The following LRRIQ3 variants were observed in gnomAD, a reference collection of about 807,000 sequenced individuals.
LRRIQ3 encodes the protein leucine rich repeats and IQ motif containing 3, also known as leucine-rich repeat and IQ domain-containing protein 3.
In LRRIQ3, 75 loss-of-function variants were observed where a neutral mutation model predicts 59.3. The ratio of observed to expected loss-of-function variants is 1.26; its 90% CI spans 1.05 to 1.53. LRRIQ3 has a LOEUF of 1.53. LRRIQ3 is among the 40% of genes most tolerant of loss of function. The pLI, the probability that LRRIQ3 is intolerant of heterozygous loss-of-function variation, is 0.00. For missense variants in LRRIQ3, 831 were observed against 710.0 expected (o/e 1.17, Z -1.94); for synonymous variants, 250 against 231.3 (o/e 1.08, Z -0.73).
chr1:74,074,679 T>C lies in LRRIQ3; in HGVS notation c.979A>G (p.Arg327Gly), dbSNP rs752964502. The C allele has an allele frequency of 1.4e-5, 19 of 1,389,958 alleles. No individual in the cohort carries two copies. The South Asian group carries it at 3.1e-4, about 23-fold the overall frequency. The allele number at this position is 1,389,958 out of a possible 1,614,324, so 86.1% of individuals were successfully genotyped here. A position where few individuals can be genotyped will look rare whatever the true frequency, so the allele number is the denominator to read the frequency against. The change falls in exon 6 of 8, where the codon AGA (arginine) becomes GGA (glycine). Residue 327 changes from arginine to glycine, a missense_variant. Arg to Gly is a moderately radical substitution (Grantham distance 125). Transcript: ENST00000354431. ...AACTAACCTTTTTGAATGAGATGTC[T>C]TGATGTTTTTGATTTCATGCCTAGA... Reference protein sequence around the residue: ...KDLGMKSKTSRHLIQKGQESE... With the variant: ...KDLGMKSKTSGHLIQKGQESE...
intron 5 of LRRIQ3, among the ~76,000 whole-genome samples, chr1:74,093,944 C>A (rs1646420658): frequency 6.6e-6 from 1 of 152,060 alleles, no homozygotes; most frequent in Admixed American, 6.6e-5. Context: ...GTAGGGCTTC[C>A]ATAGACTGAC....
intron 6 of LRRIQ3, among the ~76,000 whole-genome samples, chr1:74,056,409 G>T (rs973232381): frequency 1.3e-5 from 2 of 151,942 alleles, no homozygotes; most frequent in East Asian, 3.9e-4. Flanking sequence ...ATCCAAATTG[G>T]AATAGAGAAA....
intron 1 of LRRIQ3, among the ~76,000 whole-genome samples, chr1:74,185,846 G>A (rs1371598711): frequency 6.6e-6 from 1 of 151,918 alleles, no homozygotes; most frequent in Non-Finnish European, 1.5e-5. Context: ...GGGAGGCTGA[G>A]GCAGGAGAAT....
chr1:74,060,634 C>T (rs1397059059), intron 6 of LRRIQ3, among the ~76,000 whole-genome samples: 2 of 151,872 alleles, frequency 1.3e-5, no homozygotes, highest in Admixed American at 6.6e-5. Context: ...TGGTGCATGA[C>T]TGTAGTCCCA....
chr1:74,143,752 C>T (rs1374858160), intron 4 of LRRIQ3, among the ~76,000 whole-genome samples: 1 of 151,120 alleles, frequency 6.6e-6, no homozygotes, highest in African/African-American at 2.4e-5. Flanking sequence ...CTTTTTATCT[C>T]ATAATTCCAA....
intron 3 of LRRIQ3, chr1:74,180,192 G>GT (rs988272894): frequency 6.6e-6 from 1 of 151,486 alleles, no homozygotes; most frequent in Non-Finnish European, 1.5e-5. Flanking sequence ...CTTCCAATAT[G>GT]TTTTTTTCTT....
chr1:74,138,974 G>A (rs1647176670), intron 4 of LRRIQ3, among the ~76,000 whole-genome samples: 1 of 151,154 alleles, frequency 6.6e-6, no homozygotes, highest in South Asian at 2.1e-4. Flanking sequence ...AGGAGTTTGA[G>A]ACCAGACCGA....
chr1:74,171,819 T>A (rs964077770), intron 3 of LRRIQ3, among the ~76,000 whole-genome samples: 5 of 152,204 alleles, frequency 3.3e-5, no homozygotes, highest in South Asian at 2.1e-4. Context: ...TATAGGTATG[T>A]TCAAGCATTC....
intron 5 of LRRIQ3, among the ~76,000 whole-genome samples, chr1:74,105,614 A>G (rs1474285209): frequency 2.0e-5 from 3 of 151,970 alleles, no homozygotes; most frequent in African/African-American, 7.2e-5. Context: ...AAATTATAAT[A>G]GATTTAAATA....
At chr1:74,061,213 T>C (rs1052170521) in intron 6 of LRRIQ3, among the ~76,000 whole-genome samples, 7 of 152,124 alleles carry the variant, frequency 4.6e-5, no homozygotes, top group Admixed American at 6.6e-5. Context: ...TACCTAGGAA[T>C]ACAGCTAACT....
At chr1:74,079,904 T>C (rs2100492476) in intron 5 of LRRIQ3, among the ~76,000 whole-genome samples, 1 of 151,800 alleles carries the variant, frequency 6.6e-6, no homozygotes, top group African/African-American at 2.4e-5. Context: ...CATTCTCTTC[T>C]TTTCTTCCTG....
intron 5 of LRRIQ3, among the ~76,000 whole-genome samples, chr1:74,096,578 C>G (rs1646452133): frequency 2.0e-5 from 3 of 152,120 alleles, no homozygotes; most frequent in Admixed American, 2.0e-4. Flanking sequence ...CAGCTTTGTT[C>G]CATTGCTGGT....
At chr1:74,188,032 T>A (rs548799290) in intron 1 of LRRIQ3, among the ~76,000 whole-genome samples, 5 of 152,244 alleles carry the variant, frequency 3.3e-5, no homozygotes, top group South Asian at 2.1e-4. Context: ...TGCCCATAAA[T>A]GGTAGACTGG....
chr1:74,061,102 A>C (rs1332541768), intron 6 of LRRIQ3, among the ~76,000 whole-genome samples: 1 of 152,150 alleles, frequency 6.6e-6, no homozygotes, highest in Non-Finnish European at 1.5e-5. Flanking sequence ...ATATGAAATC[A>C]ATGTACAAAA....
intron 6 of LRRIQ3, among the ~76,000 whole-genome samples, chr1:74,053,991 C>T (rs771056601): frequency 5.3e-5 from 8 of 152,080 alleles, no homozygotes; most frequent in Non-Finnish European, 1.2e-4. Context: ...ACTGTAAAAT[C>T]CAGCTGTCAT....
chr1:74,149,116 T>C (rs1472982212), intron 4 of LRRIQ3, among the ~76,000 whole-genome samples: 1 of 152,228 alleles, frequency 6.6e-6, no homozygotes, highest in Non-Finnish European at 1.5e-5. Context: ...TTTTTACATC[T>C]GTATTCATGA....
intron 5 of LRRIQ3, among the ~76,000 whole-genome samples, chr1:74,105,098 A>G (rs921577503): frequency 6.6e-6 from 1 of 152,044 alleles, no homozygotes; most frequent in African/African-American, 2.4e-5. Context: ...AAACGTTTTT[A>G]TTTTGTAAAT....
rs541033316 is a variant in LRRIQ3 at position 74,165,553 on chromosome 1, T to C, written c.574-9687A>G. Among the ~76,000 whole-genome samples the C allele has an allele frequency of 9.9e-5, 15 of 151,692 alleles. No homozygotes were observed. The East Asian group carries it at 2.3e-3, about 24-fold the overall frequency. ...TGCAAATAGAGTTGTATTTCCTCTT[T>C]TCCAATTTCTTTTCCTTTTGTTTCC... On this transcript the variant is annotated intron_variant, in intron 3 of 7. Transcript: ENST00000354431.
chr1:74,122,779 C>T (rs1646878933), intron 4 of LRRIQ3, among the ~76,000 whole-genome samples: 2 of 152,250 alleles, frequency 1.3e-5, no homozygotes, highest in South Asian at 2.1e-4. Context: ...GCAAGGACTT[C>T]ATGTCTAAAA....
Sources: gnomAD v4.1 joint callset for allele counts (sites outside exome capture counted in the v4.1 genomes callset) on GRCh38, gnomAD v4.1.1 for gene constraint, MANE v1.5 for transcripts, NCBI Gene and HGNC (gene_info 2026-07-23, HGNC 2026-07-21) for gene names.